Variants in TACR1 observed in about 807,000 individuals in gnomAD.
TACR1 encodes tachykinin receptor 1, also known as substance-P receptor.
In TACR1, 25 loss-of-function variants were observed where a neutral mutation model predicts 35.8. That is an observed-to-expected ratio of 0.70 (90% CI 0.51 to 0.98). The LOEUF is 0.98. TACR1 is among the 50% of genes least tolerant of loss of function. The pLI is 0.00. For synonymous variants in TACR1, 195 were observed against 206.7 expected (o/e 0.94, Z 0.48); for missense variants, 478 against 522.9 (o/e 0.91, Z 0.84).
chr2:75,160,898 G>A (rs1674992329), intron 1 of TACR1, among the ~76,000 whole-genome samples: 1 of 151,258 alleles, frequency 6.6e-6, no homozygotes, highest in African/African-American at 2.4e-5. Flanking sequence ...TCAATGGTAA[G>A]GAAAGAATTC....
Position 75,046,570 on chromosome 2 carries a change from A to C in TACR1, c.*2862T>G, listed in dbSNP as rs1339723431. The C allele has an allele frequency of 6.6e-6, 1 of 152,144 alleles. No individual in the cohort carries two copies. Among genetic ancestry groups the C allele is most frequent in the Non-Finnish European group, 1.5e-5 (1 of 68,040 alleles). The allele number at this position is 152,144 out of a possible 1,614,324, so 9.4% of individuals were successfully genotyped here. Reference sequence around the variant, plus strand: ...CCTCTCCACTTATACTCCTCTCCTCACAAATCAGGCCAATGAGGTCAGTTC... The same window carrying C: ...CCTCTCCACTTATACTCCTCTCCTCCCAAATCAGGCCAATGAGGTCAGTTC... On this transcript the variant is annotated 3_prime_UTR_variant, in exon 5 of 5. Transcript: ENST00000305249.
intron 3 of TACR1, 110 bp downstream of exon 3, chr2:75,053,495 C>A: frequency 1.5e-6 from 2 of 1,308,688 alleles, no homozygotes. Context: ...GCTCCCCATA[C>A]CTGGGGATAT....
chr2:75,186,371 C>CAAAAAAAA (rs373147504), intron 1 of TACR1, among the ~76,000 whole-genome samples: 32 of 81,708 alleles, frequency 3.9e-4, no homozygotes, highest in Non-Finnish European at 6.5e-4. Context: ...GACTCTGTCT[C>CAAAAAAAA]AAAAAAAAAA....
chr2:75,116,796 G>C (rs547985703), intron 2 of TACR1, among the ~76,000 whole-genome samples: 23 of 152,162 alleles, frequency 1.5e-4, no homozygotes, highest in African/African-American at 5.5e-4. Context: ...TGTAATCCCA[G>C]CTACTCTGGA....
rs556188329 is a variant in TACR1, at chr2:75,120,872, A to T, written c.390-104T>A. 2.2e-4 allele frequency: 195 copies of T among 894,772 alleles called. No homozygotes were observed. The African/African-American group carries it at 3.1e-3, about 14-fold the overall frequency. 55.4% of individuals were successfully genotyped at this position (894,772 alleles called of 1,614,324 possible). A position where few individuals can be genotyped will look rare whatever the true frequency, so the allele number is the denominator to read the frequency against. On this transcript the variant is annotated intron_variant, in intron 1 of 4. Coordinates refer to ENST00000305249, the MANE Select transcript of TACR1 (RefSeq NM_001058.4). ...TAAGAAAATTCATAGAAACCCTTTGATTCCTGATGATTTGTACAATTATTT... is the reference window on the plus strand; with the variant it reads ...TAAGAAAATTCATAGAAACCCTTTGTTTCCTGATGATTTGTACAATTATTT...
Position 75,199,109 on chromosome 2 carries a change from C to T in TACR1, c.-175G>A, listed in dbSNP as rs941170204. 2 of 752,634 alleles carry T rather than the reference C, an allele frequency of 2.7e-6. No individual in the cohort carries two copies. The highest frequency in any genetic ancestry group is 3.0e-5 in the Admixed American group (1 of 33,880). 46.6% of individuals were successfully genotyped at this position (752,634 alleles called of 1,614,324 possible). A position where few individuals can be genotyped will look rare whatever the true frequency, so the allele number is the denominator to read the frequency against. ...ACTGGCGCTCAGAATATAAACGCTT[C>T]TGGATGCACTGCCCGCCTGCCCGCG... On this transcript the variant is annotated 5_prime_UTR_variant, in exon 1 of 5. Coordinates refer to ENST00000305249, the MANE Select transcript of TACR1 (RefSeq NM_001058.4).
chr2:75,184,046 A>C (rs1675623962), intron 1 of TACR1, among the ~76,000 whole-genome samples: 1 of 152,214 alleles, frequency 6.6e-6, no homozygotes, highest in Non-Finnish European at 1.5e-5. Flanking sequence ...GACAGCATTA[A>C]AAAATTAAAG....
chr2:75,140,207 A>G (rs982499224), intron 1 of TACR1, among the ~76,000 whole-genome samples: 1 of 152,086 alleles, frequency 6.6e-6, no homozygotes, highest in Non-Finnish European at 1.5e-5. Context: ...TGTAGACAGT[A>G]TTTTTAGGGG....
intron 2 of TACR1, among the ~76,000 whole-genome samples, chr2:75,087,357 A>T (rs1225790821): frequency 1.3e-5 from 2 of 152,344 alleles, no homozygotes; most frequent in Non-Finnish European, 2.9e-5. Flanking sequence ...ATATCCCAGT[A>T]GTTCTTCCCC....
At chr2:75,063,205 TG>T (rs1190360995) in intron 2 of TACR1, among the ~76,000 whole-genome samples, 1 of 152,198 alleles carries the variant, frequency 6.6e-6, no homozygotes, top group East Asian at 1.9e-4. Context: ...GAGATTTGAG[TG>T]GGGACACAGC....
intron 1 of TACR1, among the ~76,000 whole-genome samples, chr2:75,167,977 A>G (rs1675185844): frequency 6.6e-6 from 1 of 152,308 alleles, no homozygotes; most frequent in Admixed American, 6.5e-5. Flanking sequence ...GGGCATTTTC[A>G]TACACCACTG....
intron 1 of TACR1, among the ~76,000 whole-genome samples, chr2:75,142,047 T>C (rs961471399): frequency 1.3e-5 from 2 of 152,206 alleles, no homozygotes; most frequent in African/African-American, 4.8e-5. Flanking sequence ...ACAATCTGCT[T>C]TCAGCCCTCT....
intron 2 of TACR1, among the ~76,000 whole-genome samples, chr2:75,104,249 G>T (rs1673597356): frequency 6.6e-6 from 1 of 151,930 alleles, no homozygotes. Context: ...AAATGAGCAG[G>T]TGTAGATATA....
At chr2:75,189,310 G>A (rs1170823480) in intron 1 of TACR1, 4 of 152,202 alleles carry the variant, frequency 2.6e-5, no homozygotes, top group Admixed American at 2.6e-4. Flanking sequence ...CTCAACCCCT[G>A]ATTCCAGAAC....
intron 1 of TACR1, among the ~76,000 whole-genome samples, chr2:75,165,530 A>C (rs989715078): frequency 6.6e-6 from 1 of 151,706 alleles, no homozygotes; most frequent in African/African-American, 2.4e-5. Context: ...GGATGGTCTC[A>C]ATCTCCTGAC....
At chr2:75,078,086 G>A (rs911066523) in intron 2 of TACR1, among the ~76,000 whole-genome samples, 2 of 152,156 alleles carry the variant, frequency 1.3e-5, no homozygotes, top group African/African-American at 4.8e-5. Flanking sequence ...CAAGAGTGAG[G>A]GGGTGTTCCC....
At position 75,053,629 on chromosome 2, in the gene TACR1, G is replaced by A. The variant is rs200225041; in HGVS notation, c.711C>T (p.His237=). The change falls in exon 3 of 5, where the codon CAC becomes CAT. Residue 237 remains histidine, a synonymous_variant. Coordinates refer to ENST00000305249, the MANE Select transcript of TACR1 (RefSeq NM_001058.4). The part of the protein sequence containing the change: ...EIPGDSSDRY[H]EQVSAKRKVV... ...CCTTGCGCTTGGCAGAGACTTGCTCGTGGTAGCGGTCAGAGGAGTCCCCGG... is the reference window on the plus strand; with the variant it reads ...CCTTGCGCTTGGCAGAGACTTGCTCATGGTAGCGGTCAGAGGAGTCCCCGG... 1.2e-5 allele frequency: 18 copies of A among 1,564,848 alleles called. No individual in the cohort carries two copies. Among genetic ancestry groups the A allele is most frequent in the African/African-American group, 4.1e-5 (3 of 73,174 alleles).
intron 2 of TACR1, among the ~76,000 whole-genome samples, chr2:75,118,088 C>G (rs945890646): frequency 1.3e-5 from 2 of 152,166 alleles, no homozygotes; most frequent in African/African-American, 4.8e-5. Context: ...TGCCTCAAAA[C>G]AAGTTTCCAT....
chr2:75,117,323 A>G (rs1673886533), intron 2 of TACR1, among the ~76,000 whole-genome samples: 1 of 152,250 alleles, frequency 6.6e-6, no homozygotes, highest in African/African-American at 2.4e-5. Context: ...GGTCCACCAT[A>G]CAGCCAGAAG....
Sources: gnomAD v4.1 joint callset for allele counts (sites outside exome capture counted in the v4.1 genomes callset) on GRCh38, gnomAD v4.1.1 for gene constraint, MANE v1.5 for transcripts, NCBI Gene and HGNC (gene_info 2026-07-23, HGNC 2026-07-21) for gene names.